CTNNBL1: variants seen among roughly 807,000 people sequenced by gnomAD.
CTNNBL1 encodes catenin beta like 1, also known as beta-catenin-like protein 1.
CTNNBL1 carries 31 observed loss-of-function variants against 72.7 expected under a neutral mutation model. The ratio of observed to expected loss-of-function variants is 0.43; its 90% CI spans 0.32 to 0.58. The LOEUF (loss-of-function observed/expected upper bound fraction) is 0.58. Among genes scored for constraint, CTNNBL1 ranks in the 20% least tolerant of loss-of-function variants. The pLI is 0.08. For synonymous variants in CTNNBL1, 240 were observed against 267.3 expected, an observed-to-expected ratio of 0.90 and a Z score of 1.00; for missense variants, 534 against 725.1, an observed-to-expected ratio of 0.74 and a Z score of 3.03.
intron 11 of CTNNBL1, among the ~76,000 whole-genome samples, chr20:37,805,669 T>C (rs2122741752): frequency 6.6e-6 from 1 of 152,142 alleles, no homozygotes; most frequent in East Asian, 1.9e-4. Flanking sequence ...AATGCTGAGA[T>C]TATAGACAGG....
chr20:37,750,559 A>T (rs568897320), intron 4 of CTNNBL1: 1 of 152,322 alleles, frequency 6.6e-6, no homozygotes, highest in African/African-American at 2.4e-5. Context: ...ATTGCTAAAA[A>T]ATCCATTTTT....
At chr20:37,796,240 G>A (rs1049140040) in intron 10 of CTNNBL1, among the ~76,000 whole-genome samples, 2 of 152,032 alleles carry the variant, frequency 1.3e-5, no homozygotes, top group Non-Finnish European at 2.9e-5. Flanking sequence ...ACATGCTTGC[G>A]CTTGTCAGTT....
chr20:37,834,064 A>G (rs889406693), intron 11 of CTNNBL1, among the ~76,000 whole-genome samples: 4 of 152,172 alleles, frequency 2.6e-5, no homozygotes, highest in African/African-American at 9.7e-5. Context: ...TATTCTTAGT[A>G]TACCATTGCA....
At chr20:37,803,751 C>T (rs1312778403) in intron 11 of CTNNBL1, among the ~76,000 whole-genome samples, 3 of 151,938 alleles carry the variant, frequency 2.0e-5, no homozygotes, top group East Asian at 1.9e-4. Context: ...GTGTGGGGAG[C>T]GGGTGGAGAG....
chr20:37,696,237 A>G (rs575555533), intron 1 of CTNNBL1, among the ~76,000 whole-genome samples: 4 of 152,300 alleles, frequency 2.6e-5, no homozygotes, highest in African/African-American at 9.6e-5. Flanking sequence ...TAAGTAAACA[A>G]TGCATTCAGT....
At chr20:37,802,054 A>G (rs866492952) in intron 10 of CTNNBL1, among the ~76,000 whole-genome samples, 4 of 152,268 alleles carry the variant, frequency 2.6e-5, no homozygotes, top group Admixed American at 1.3e-4. Context: ...CAATCCAAAA[A>G]TGAAACTAAG....
At chr20:37,812,329 A>G (rs1160476401) in intron 11 of CTNNBL1, among the ~76,000 whole-genome samples, 1 of 152,212 alleles carries the variant, frequency 6.6e-6, no homozygotes, top group Admixed American at 6.5e-5. Context: ...TCATGTTTAC[A>G]TATAGGATAT....
Position 37,733,012 on chromosome 20 carries a change from A to AC in CTNNBL1, c.165dup (p.Lys56GlnfsTer9). On this transcript the variant is annotated frameshift_variant, in exon 2 of 16. Transcript: ENST00000361383. LOFTEE classifies it high-confidence loss of function. Reference sequence around the variant, plus strand: ...ACTGTGGTGGAGGAAGCGGATGATGACAAAAAAAGGCTGCTGCAGATTATT... The same window carrying AC: ...ACTGTGGTGGAGGAAGCGGATGATGACCAAAAAAAGGCTGCTGCAGATTATT... 6.2e-7 allele frequency: 1 copy of AC among 1,613,976 alleles called. No homozygotes were observed. The highest frequency in any genetic ancestry group is 1.1e-5 in the South Asian group (1 of 91,064).
Position 37,864,302 on chromosome 20 carries a change from G to A in CTNNBL1, c.1603+3958G>A, listed in dbSNP as rs183866280. On this transcript the variant is annotated intron_variant, in intron 15 of 15. Transcript: ENST00000361383. ...GATTTTAATTTTGTTTTTCAGTTTG[G>A]GTTGCTTCCTTTTTTTCTTTAACAT... Among the ~76,000 whole-genome samples, 49 of 150,928 alleles carry A rather than the reference G, an allele frequency of 3.2e-4. No homozygotes were observed. The East Asian group carries it at 9.2e-3, about 28-fold the overall frequency.
intron 11 of CTNNBL1, among the ~76,000 whole-genome samples, chr20:37,827,399 G>A (rs6013181): frequency 2.6e-5 from 4 of 152,260 alleles, no homozygotes; most frequent in African/African-American, 9.6e-5. Context: ...TCTTATAATT[G>A]AACTGAGAGA....
At chr20:37,768,626 G>T (rs980121584) in intron 7 of CTNNBL1, among the ~76,000 whole-genome samples, 1 of 152,166 alleles carries the variant, frequency 6.6e-6, no homozygotes, top group African/African-American at 2.4e-5. Context: ...GTTAACCATG[G>T]TCTGAAAACA....
intron 11 of CTNNBL1, among the ~76,000 whole-genome samples, chr20:37,836,663 C>T (rs752041453): frequency 9.9e-5 from 15 of 152,284 alleles, no homozygotes; most frequent in Middle Eastern, 3.4e-3. Context: ...TGAGGAGCTT[C>T]TTCAGGTTAG....
intron 11 of CTNNBL1, among the ~76,000 whole-genome samples, chr20:37,823,578 G>A (rs2072130452): frequency 6.6e-6 from 1 of 152,192 alleles, no homozygotes; most frequent in African/African-American, 2.4e-5. Context: ...AGGCAGGACT[G>A]TCGAGTAAGA....
At chr20:37,739,441 C>T (rs996042559) in intron 3 of CTNNBL1, among the ~76,000 whole-genome samples, 2 of 151,934 alleles carry the variant, frequency 1.3e-5, no homozygotes, top group African/African-American at 2.4e-5. Context: ...TATTAATGGA[C>T]ATTTGATTAT....
At chr20:37,718,422 C>T (rs1245826967) in intron 1 of CTNNBL1, among the ~76,000 whole-genome samples, 19 of 142,184 alleles carry the variant, frequency 1.3e-4, no homozygotes, top group African/African-American at 4.8e-4. Flanking sequence ...GCTGACCCCC[C>T]CACCTCCCTC....
At chr20:37,730,515 G>A (rs2073119828) in intron 1 of CTNNBL1, among the ~76,000 whole-genome samples, 1 of 152,154 alleles carries the variant, frequency 6.6e-6, no homozygotes, top group South Asian at 2.1e-4. Context: ...GTAGGTGATG[G>A]GCCCAAAGTT....
chr20:37,801,930 T>C (rs1057512841), intron 10 of CTNNBL1, among the ~76,000 whole-genome samples: 2 of 152,220 alleles, frequency 1.3e-5, no homozygotes, highest in Admixed American at 6.5e-5. Context: ...GCAGATAACA[T>C]AGTTTATATA....
chr20:37,840,891 G>T (rs988620804), intron 12 of CTNNBL1, among the ~76,000 whole-genome samples: 1 of 151,832 alleles, frequency 6.6e-6, no homozygotes, highest in Non-Finnish European at 1.5e-5. Flanking sequence ...AATTACATGA[G>T]ATTAGATGGT....
intron 11 of CTNNBL1, among the ~76,000 whole-genome samples, chr20:37,834,184 GA>G (rs1248401982): frequency 0.012 from 1,893 of 152,184 alleles, 41 homozygotes; most frequent in African/African-American, 0.044. Flanking sequence ...TTTTCTCTTT[GA>G]AAATTACAGC....
Sources: allele counts gnomAD v4.1 joint callset (sites outside exome capture counted in the v4.1 genomes callset), GRCh38; gene constraint gnomAD v4.1.1; transcripts MANE v1.5; gene names NCBI Gene and HGNC (gene_info 2026-07-23, HGNC 2026-07-21).